The following CRACD variants were observed in gnomAD, a reference collection of about 807,000 sequenced individuals.
CRACD encodes capping protein-inhibiting regulator of actin dynamics.
In CRACD, 56 loss-of-function variants were observed where a neutral mutation model predicts 106.8. That is an observed-to-expected ratio of 0.52 (90% CI 0.42 to 0.66). The LOEUF (loss-of-function observed/expected upper bound fraction) is 0.66, where lower values mean the gene tolerates loss of function less well. CRACD is among the 30% of genes least tolerant of loss of function. The pLI is 0.00. For missense variants in CRACD, 1,730 were observed against 1,623.2 expected, an observed-to-expected ratio of 1.07 and a Z score of -1.13; for synonymous variants, 754 against 670.8, an observed-to-expected ratio of 1.12 and a Z score of -1.92.
At chr4:56,123,055 A>G (rs1734541561) in intron 1 of CRACD, among the ~76,000 whole-genome samples, 1 of 152,242 alleles carries the variant, frequency 6.6e-6, no homozygotes, top group African/African-American at 2.4e-5. Context: ...TTTAATAGTT[A>G]TCGAAGTAAG....
Position 56,192,652 on chromosome 4 carries a change from A to T in CRACD, c.-189+13222A>T, listed in dbSNP as rs116741572. ...AGTCTAATATATACCATATCATGAA[A>T]ATTTTGTTTTAAAAATAAGCTTTGG... is the stretch of plus-strand genomic sequence containing the variant. On this transcript the variant is annotated intron_variant, in intron 2 of 10. Transcript: ENST00000682029. Among the ~76,000 whole-genome samples, 636 of 152,280 alleles carry T rather than the reference A, an allele frequency of 4.2e-3. 3 individuals carry two copies. Among genetic ancestry groups the T allele is most frequent in the African/African-American group, 0.013 (528 of 41,546 alleles).
rs773569637 is a variant in CRACD, at chr4:56,313,262, C to T, written c.420C>T (p.Val140=). 4 of 1,614,208 alleles carry T rather than the reference C, an allele frequency of 2.5e-6. No homozygotes were observed. Among genetic ancestry groups the T allele is most frequent in the East Asian group, 4.5e-5 (2 of 44,878 alleles). The part of the protein sequence containing the change: ...HFSSAGTIES[V]NLDAIPLAIA... ...CTTCTGCTGGCACCATCGAAAGTGT[C>T]AACTTAGATGCCATCCCCCTGGCCA... Residue 140 remains valine (V), a synonymous_variant, in exon 7 of 11, where the codon GTC becomes GTT. Coordinates refer to ENST00000682029, the MANE Select transcript of CRACD (RefSeq NM_001393381.1).
intron 1 of CRACD, among the ~76,000 whole-genome samples, chr4:56,055,213 T>C (rs1045494931): frequency 2.0e-5 from 3 of 151,776 alleles, no homozygotes; most frequent in African/African-American, 7.3e-5. Flanking sequence ...CTCACCCCAC[T>C]CACCTGGGGA....
At chr4:56,269,923 T>C (rs185175924) in intron 2 of CRACD, among the ~76,000 whole-genome samples, 170 of 152,320 alleles carry the variant, frequency 1.1e-3, no homozygotes, top group African/African-American at 4.0e-3. Context: ...TATCACACAC[T>C]TTCCTGTCTT....
chr4:56,203,797 AC>A (rs1737996927), intron 2 of CRACD, among the ~76,000 whole-genome samples: 1 of 152,022 alleles, frequency 6.6e-6, no homozygotes, highest in Non-Finnish European at 1.5e-5. Flanking sequence ...CCTTAACCTT[AC>A]CTCCTGACCA....
chr4:56,091,288 T>C (rs930804448), intron 1 of CRACD, among the ~76,000 whole-genome samples: 2 of 152,022 alleles, frequency 1.3e-5, no homozygotes, highest in African/African-American at 4.8e-5. Context: ...GCTTAAGTGA[T>C]CCTCCCATTT....
At chr4:56,194,266 C>T (rs964188407) in intron 2 of CRACD, among the ~76,000 whole-genome samples, 1 of 152,078 alleles carries the variant, frequency 6.6e-6, no homozygotes, top group African/African-American at 2.4e-5. Context: ...AATAATGTAC[C>T]ATTCACAGCA....
At chr4:56,093,098 T>A (rs1733477741) in intron 1 of CRACD, among the ~76,000 whole-genome samples, 2 of 152,206 alleles carry the variant, frequency 1.3e-5, no homozygotes, top group African/African-American at 4.8e-5. Flanking sequence ...TGTGCTTGTT[T>A]GTTTTTCTTT....
In CRACD at chr4:56,298,325, C is replaced by G; in HGVS notation, c.96C>G (p.Ile32Met). Residue 32 changes from isoleucine (I) to methionine (M), a missense_variant, in exon 4 of 11, where the codon ATC becomes ATG. Ile to Met is a conservative substitution (Grantham distance 10). This residue lies in a region of CRACD where 1,620 missense variants were observed against 1,481.6 expected (regional missense o/e 1.09). Coordinates refer to ENST00000682029, the MANE Select transcript of CRACD (RefSeq NM_001393381.1). Reference protein sequence around the residue: ...QTVQAMSQDNILGKVKTLQQQ... With the variant: ...QTVQAMSQDNMLGKVKTLQQQ... ...TTCAAGCAATGTCACAGGACAACAT[C>G]CTGGGCAAAGTCAAAACTCTTCAGG... 6.2e-7 allele frequency: 1 copy of G among 1,614,114 alleles called. No individual in the cohort carries two copies. Among genetic ancestry groups the G allele is most frequent in the Non-Finnish European group, 8.5e-7 (1 of 1,180,020 alleles).
At chr4:56,223,597 A>G (rs1739158991) in intron 2 of CRACD, among the ~76,000 whole-genome samples, 1 of 152,212 alleles carries the variant, frequency 6.6e-6, no homozygotes, top group Admixed American at 6.5e-5. Flanking sequence ...TGTCCCAGCA[A>G]CACTTATTGA....
chr4:56,151,164 T>G (rs1055491636), intron 1 of CRACD, among the ~76,000 whole-genome samples: 14 of 152,276 alleles, frequency 9.2e-5, no homozygotes, highest in African/African-American at 3.1e-4. Context: ...GCCCAGCTAA[T>G]TTTTGTAATT....
At chr4:56,060,084 A>G (rs956484388) in intron 1 of CRACD, among the ~76,000 whole-genome samples, 3 of 152,202 alleles carry the variant, frequency 2.0e-5, no homozygotes, top group Non-Finnish European at 4.4e-5. Context: ...AGCTGATTTC[A>G]TGGGCTGCCA....
chr4:56,259,914 T>C (rs1741596372), intron 2 of CRACD, among the ~76,000 whole-genome samples: 1 of 152,164 alleles, frequency 6.6e-6, no homozygotes, highest in Non-Finnish European at 1.5e-5. Context: ...AGTCCTGTGA[T>C]AAAATGCAAT....
At chr4:56,183,884 T>A (rs1399090025) in intron 2 of CRACD, among the ~76,000 whole-genome samples, 1 of 152,226 alleles carries the variant, frequency 6.6e-6, no homozygotes. Context: ...TTTGTTTACA[T>A]AGCCTTGTAG....
chr4:56,189,629 A>G (rs537475488), intron 2 of CRACD, among the ~76,000 whole-genome samples: 2 of 135,756 alleles, frequency 1.5e-5, no homozygotes, highest in East Asian at 4.4e-4. Context: ...ATTCCCACCT[A>G]TGAGTGAGAA....
chr4:56,186,100 G>A lies in CRACD; in HGVS notation c.-189+6670G>A, dbSNP rs576828514. Among the ~76,000 whole-genome samples the A allele has an allele frequency of 4.6e-5, 7 of 152,296 alleles. No individual in the cohort carries two copies. In the South Asian group the frequency reaches 6.2e-4, roughly 14 times the overall value. On this transcript the variant is annotated intron_variant, in intron 2 of 10. Coordinates refer to ENST00000682029, the MANE Select transcript of CRACD (RefSeq NM_001393381.1). ...AGATTCCTCTCTCCATCTGCCAGACGTAACCCAAGATGAGTTGCACAGATG... is the reference window on the plus strand; with the variant it reads ...AGATTCCTCTCTCCATCTGCCAGACATAACCCAAGATGAGTTGCACAGATG...
chr4:56,257,273 G>A (rs997321594), intron 2 of CRACD, among the ~76,000 whole-genome samples: 7 of 151,876 alleles, frequency 4.6e-5, no homozygotes, highest in African/African-American at 1.7e-4. Flanking sequence ...GTAGAAATGA[G>A]GTTTTGCCAT....
At chr4:56,222,961 C>T (rs1739124642) in intron 2 of CRACD, among the ~76,000 whole-genome samples, 1 of 149,096 alleles carries the variant, frequency 6.7e-6, no homozygotes, top group Admixed American at 6.7e-5. Context: ...GGTGACAGAA[C>T]AAGACTCCGT....
chr4:56,204,525 C>T (rs930009005), intron 2 of CRACD, among the ~76,000 whole-genome samples: 1 of 152,214 alleles, frequency 6.6e-6, no homozygotes, highest in Middle Eastern at 3.4e-3. Context: ...ATGGCATTAG[C>T]CCACTCATGA....
Sources: gnomAD v4.1 joint callset for allele counts (sites outside exome capture counted in the v4.1 genomes callset) on GRCh38, gnomAD v4.1.1 for gene constraint, gnomAD v4.1.1 regional missense constraint, MANE v1.5 for transcripts, NCBI Gene and HGNC (gene_info 2026-07-23, HGNC 2026-07-21) for gene names.